Variants in TMEM272 observed in about 807,000 individuals in gnomAD.
TMEM272 encodes the protein long intergenic non-protein coding RNA 282.
A neutral mutation model predicts 3.7 loss-of-function variants in TMEM272; 8 were observed. The ratio of observed to expected loss-of-function variants is 2.17; its 90% CI spans 1.27 to 3.91. The LOEUF is 3.91. Among genes scored for constraint, TMEM272 ranks in the 30% most tolerant of loss-of-function variants. The pLI is 0.00. For synonymous variants in TMEM272, 63 were observed against 39.8 expected, an observed-to-expected ratio of 1.58 and a Z score of -2.20; for missense variants, 166 against 91.5, an observed-to-expected ratio of 1.81 and a Z score of -3.32.
At chr13:51,870,155 G>A in the TMEM272 span, among the ~76,000 whole-genome samples, 1 of 152,192 alleles carries the variant, frequency 6.6e-6, no homozygotes, top group African/African-American at 2.4e-5. Context: ...AAGCAAAGTG[G>A]AGCCGAGGGG....
the TMEM272 span, among the ~76,000 whole-genome samples, chr13:51,894,983 T>C: frequency 6.6e-6 from 1 of 152,052 alleles, no homozygotes; most frequent in Non-Finnish European, 1.5e-5. Context: ...ACTAGATCAC[T>C]GGCATGCACA....
chr13:51,911,241 G>C, the TMEM272 span, among the ~76,000 whole-genome samples: 2 of 152,152 alleles, frequency 1.3e-5, no homozygotes, highest in African/African-American at 2.4e-5. Context: ...TCATTGAAGA[G>C]AGATTTATTA....
At chr13:51,903,164 G>C in the TMEM272 span, among the ~76,000 whole-genome samples, 3 of 152,234 alleles carry the variant, frequency 2.0e-5, no homozygotes, top group African/African-American at 7.2e-5. Flanking sequence ...TCCTTAGTGT[G>C]TGTATCCAGG....
At chr13:51,906,511 G>A in the TMEM272 span, among the ~76,000 whole-genome samples, 1 of 152,306 alleles carries the variant, frequency 6.6e-6, no homozygotes, top group Admixed American at 6.5e-5. Flanking sequence ...CCCTAAAGTG[G>A]GGAGTAAATG....
At chr13:51,908,955 G>C in the TMEM272 span, 2 of 1,383,994 alleles carry the variant, frequency 1.4e-6, no homozygotes, top group South Asian at 1.2e-5. Flanking sequence ...TGGGCCTCTT[G>C]GGTCTCTTCC....
At chr13:51,901,136 CTTTTT>C in the TMEM272 span, among the ~76,000 whole-genome samples, 1 of 151,060 alleles carries the variant, frequency 6.6e-6, no homozygotes, top group African/African-American at 2.4e-5. Flanking sequence ...TAAAACTTTT[CTTTTT>C]TTTTCAAGTG....
At position 51,815,258 on chromosome 13, in the gene TMEM272, G is replaced by C. The variant is rs1364797424; in HGVS notation, c.*1493C>G. ...AATGAAAACAGAAACTGCCCTTAGGGACAGGGGCAAAAAAAGGGCTGTTCT... is the reference window on the plus strand; with the variant it reads ...AATGAAAACAGAAACTGCCCTTAGGCACAGGGGCAAAAAAAGGGCTGTTCT... On this transcript the variant is annotated 3_prime_UTR_variant, in exon 5 of 5. Transcript: ENST00000629372. 2 of 152,628 alleles carry C rather than the reference G, an allele frequency of 1.3e-5. No homozygotes were observed. The highest frequency in any genetic ancestry group is 1.9e-4 in the East Asian group (1 of 5,194). 9.5% of individuals were successfully genotyped at this position (152,628 alleles called of 1,614,324 possible).
At chr13:51,920,341 T>C in the TMEM272 span, among the ~76,000 whole-genome samples, 5 of 152,236 alleles carry the variant, frequency 3.3e-5, no homozygotes, top group Admixed American at 2.6e-4. Context: ...TCAGCCAACG[T>C]GTATTTCCAC....
the TMEM272 span, among the ~76,000 whole-genome samples, chr13:51,902,110 T>G: frequency 2.0e-5 from 3 of 152,202 alleles, no homozygotes; most frequent in East Asian, 5.8e-4. Context: ...GAGAAGCCAT[T>G]TCAGGGGTGA....
At chr13:51,890,850 C>G in the TMEM272 span, among the ~76,000 whole-genome samples, 11 of 152,208 alleles carry the variant, frequency 7.2e-5, no homozygotes, top group African/African-American at 2.7e-4. Flanking sequence ...GTCTGCTCAG[C>G]TCATCTTTTT....
At chr13:51,909,104 A>C in the TMEM272 span, 1 of 1,463,158 alleles carries the variant, frequency 6.8e-7, no homozygotes, top group Admixed American at 1.7e-5. Flanking sequence ...CAAATGCTGT[A>C]TTTGGAACAT....
the TMEM272 span, chr13:51,908,117 A>T: frequency 5.4e-5 from 26 of 484,006 alleles, no homozygotes; most frequent in South Asian, 4.3e-4. Flanking sequence ...CTATTGTTTC[A>T]ATTTGAGCAA....
At chr13:51,908,701 T>C in the TMEM272 span, 3,200 of 1,481,032 alleles carry the variant, frequency 2.2e-3, 5 homozygotes, top group Non-Finnish European at 2.9e-3. Context: ...GAAGGTATAT[T>C]AAAACTTCTG....
At chr13:51,865,584 T>C in the TMEM272 span, 29 of 1,614,158 alleles carry the variant, frequency 1.8e-5, no homozygotes, top group Middle Eastern at 4.9e-4. Flanking sequence ...AGGGAAGAGA[T>C]GTGGACTTTC....
At chr13:51,837,655 C>T (rs946450411) in intron 2 of TMEM272, among the ~76,000 whole-genome samples, 3 of 152,214 alleles carry the variant, frequency 2.0e-5, no homozygotes, top group Non-Finnish European at 4.4e-5. Flanking sequence ...TACTGTGTGT[C>T]AGGCACTGCT....
chr13:51,882,343 GTA>G, the TMEM272 span, among the ~76,000 whole-genome samples: 14 of 152,300 alleles, frequency 9.2e-5, no homozygotes, highest in Non-Finnish European at 1.9e-4. Flanking sequence ...AAGAAAAGCT[GTA>G]TATGTTATCC....
upstream of TMEM272, among the ~76,000 whole-genome samples, chr13:51,848,257 C>A (rs755898765): frequency 2.6e-5 from 4 of 151,962 alleles, no homozygotes; most frequent in Non-Finnish European, 5.9e-5. Flanking sequence ...AAAGTAGGTG[C>A]GATTAATACC....
chr13:51,857,414 A>C, the TMEM272 span, among the ~76,000 whole-genome samples: 1 of 152,144 alleles, frequency 6.6e-6, no homozygotes, highest in East Asian at 1.9e-4. Flanking sequence ...AATATGGGTA[A>C]TTACAAATGT....
At chr13:51,832,981 G>T (rs924850684) in intron 2 of TMEM272, among the ~76,000 whole-genome samples, 5 of 152,194 alleles carry the variant, frequency 3.3e-5, no homozygotes, top group Non-Finnish European at 7.3e-5. Context: ...AGCGCACAAT[G>T]CAGTGAGGAA....
Sources: allele counts gnomAD v4.1 joint callset (sites outside exome capture counted in the v4.1 genomes callset), GRCh38; gene constraint gnomAD v4.1.1; transcripts MANE v1.5; gene names NCBI Gene and HGNC (gene_info 2026-07-23, HGNC 2026-07-21).